The following GNA14 variants were observed in gnomAD, a reference collection of about 807,000 sequenced individuals.
The protein encoded by GNA14 is guanine nucleotide-binding protein subunit alpha-14.
A neutral mutation model predicts 42.0 loss-of-function variants in GNA14; 50 were observed. The ratio of observed to expected loss-of-function variants is 1.19; its 90% confidence interval spans 0.95 to 1.51. The LOEUF is 1.51. GNA14 is among the 40% of genes most tolerant of loss of function. The pLI, the probability that GNA14 is intolerant of heterozygous loss-of-function variation, is 0.00. For synonymous variants in GNA14, 173 were observed against 163.1 expected, an observed-to-expected ratio of 1.06 and a Z score of -0.46; for missense variants, 473 against 446.2, an observed-to-expected ratio of 1.06 and a Z score of -0.54.
intron 2 of GNA14, among the ~76,000 whole-genome samples, chr9:77,487,315 C>A (rs566623197): frequency 6.6e-6 from 1 of 151,924 alleles, no homozygotes; most frequent in East Asian, 1.9e-4. Flanking sequence ...GTAACTGAAA[C>A]CAAGAAAGTG....
intron 2 of GNA14, among the ~76,000 whole-genome samples, chr9:77,498,974 GA>G (rs1479296836): frequency 1.2e-4 from 18 of 152,194 alleles, no homozygotes; most frequent in Non-Finnish European, 1.3e-4. Context: ...CAGCTGTGAG[GA>G]ATTACATGAG....
intron 1 of GNA14, among the ~76,000 whole-genome samples, chr9:77,607,309 G>A (rs565361177): frequency 2.0e-5 from 3 of 152,292 alleles, no homozygotes; most frequent in East Asian, 1.9e-4. Flanking sequence ...GCATATGTAA[G>A]AAATCAGAAT....
In GNA14 at chr9:77,466,854, A is replaced by C. The variant is rs73456181; in HGVS notation, c.310-32332T>G. Among the ~76,000 whole-genome samples the C allele has an allele frequency of 5.5e-3, 843 of 152,186 alleles. 9 individuals are homozygous for C. Among genetic ancestry groups the C allele is most frequent in the African/African-American group, 0.019 (805 of 41,524 alleles). ...CTCTGTGATGTCTATTTTCCCGACC[A>C]CATGGAGCCTCTGAAGTCTCTGCTT... On this transcript the variant is annotated intron_variant, in intron 2 of 6. Transcript: ENST00000341700.
chr9:77,469,756 A>C (rs1836296584), intron 2 of GNA14, among the ~76,000 whole-genome samples: 1 of 152,216 alleles, frequency 6.6e-6, no homozygotes, highest in Non-Finnish European at 1.5e-5. Flanking sequence ...GAAGGCTATA[A>C]AGAGACAGTC....
intron 1 of GNA14, among the ~76,000 whole-genome samples, chr9:77,563,686 T>A (rs994529400): frequency 6.6e-6 from 1 of 152,286 alleles, no homozygotes; most frequent in East Asian, 1.9e-4. Context: ...AAGATTTTTT[T>A]TTCCTTTCAG....
At chr9:77,555,105 T>A (rs1392233842) in intron 1 of GNA14, among the ~76,000 whole-genome samples, 1 of 152,176 alleles carries the variant, frequency 6.6e-6, no homozygotes, top group Non-Finnish European at 1.5e-5. Flanking sequence ...TGTGGTTTTA[T>A]TAGATATGAT....
In GNA14 at chr9:77,497,201, T is replaced by C. The variant is rs139541452; in HGVS notation, c.309+31868A>G. On this transcript the variant is annotated intron_variant, in intron 2 of 6. Transcript: ENST00000341700. ...GTATGAGTCACAAAGCCTACTGGCC[T>C]TGTCCCCAACTCCAGCTAGAACCCA... Among the ~76,000 whole-genome samples, 8 of 152,300 alleles carry C rather than the reference T, an allele frequency of 5.3e-5. No homozygotes were observed. The East Asian group carries it at 1.5e-3, about 29-fold the overall frequency.
chr9:77,487,522 T>C (rs1836681727), intron 2 of GNA14, among the ~76,000 whole-genome samples: 3 of 152,166 alleles, frequency 2.0e-5, no homozygotes, highest in African/African-American at 7.2e-5. Flanking sequence ...TAAGCCAGTA[T>C]GTAAAAGCAC....
intron 2 of GNA14, among the ~76,000 whole-genome samples, chr9:77,455,673 C>T (rs1037479437): frequency 2.6e-5 from 4 of 152,186 alleles, no homozygotes; most frequent in African/African-American, 9.7e-5. Context: ...TGATGCCCCA[C>T]ATAAGGAATA....
At chr9:77,623,265 G>GA (rs1363479997) in intron 1 of GNA14, among the ~76,000 whole-genome samples, 4 of 56,778 alleles carry the variant, frequency 7.0e-5, no homozygotes, top group East Asian at 6.2e-4. Context: ...GAAAGAAAAA[G>GA]AAAAAAAAAT....
At chr9:77,626,720 G>A (rs182525164) in intron 1 of GNA14, among the ~76,000 whole-genome samples, 11 of 152,268 alleles carry the variant, frequency 7.2e-5, no homozygotes, top group Admixed American at 2.0e-4. Flanking sequence ...GAATCTCTGG[G>A]ATACAGCTAA....
intron 2 of GNA14, among the ~76,000 whole-genome samples, chr9:77,510,157 G>C (rs978690435): frequency 1.3e-5 from 2 of 152,074 alleles, no homozygotes; most frequent in Non-Finnish European, 2.9e-5. Context: ...ACACTCACCA[G>C]TCTTCTTTTT....
At chr9:77,619,115 G>A (rs1460324604) in intron 1 of GNA14, among the ~76,000 whole-genome samples, 1 of 152,062 alleles carries the variant, frequency 6.6e-6, no homozygotes, top group African/African-American at 2.4e-5. Context: ...CTTGTTCAAA[G>A]TTCCACTGAA....
chr9:77,530,537 C>T (rs949510191), intron 1 of GNA14, among the ~76,000 whole-genome samples: 1 of 152,212 alleles, frequency 6.6e-6, no homozygotes, highest in African/African-American at 2.4e-5. Context: ...CAATTATCAT[C>T]TTCATTTTAC....
chr9:77,425,225 A>G (rs1179907120), intron 6 of GNA14, among the ~76,000 whole-genome samples: 2 of 152,146 alleles, frequency 1.3e-5, no homozygotes, highest in East Asian at 3.9e-4. Context: ...GAGGGAGCAG[A>G]AAGGAGGAGG....
At chr9:77,584,113 C>G (rs958726033) in intron 1 of GNA14, among the ~76,000 whole-genome samples, 1 of 152,164 alleles carries the variant, frequency 6.6e-6, no homozygotes, top group African/African-American at 2.4e-5. Flanking sequence ...GAGCAGTAGA[C>G]AGCAGTGGAC....
At chr9:77,509,665 G>A (rs1448875782) in intron 2 of GNA14, among the ~76,000 whole-genome samples, 1 of 152,198 alleles carries the variant, frequency 6.6e-6, no homozygotes, top group African/African-American at 2.4e-5. Context: ...TGGAGAACAG[G>A]ATGTGCAGAG....
chr9:77,534,965 TG>T (rs1837575963), intron 1 of GNA14, among the ~76,000 whole-genome samples: 1 of 152,232 alleles, frequency 6.6e-6, no homozygotes, highest in South Asian at 2.1e-4. Flanking sequence ...GCAGGCGCTC[TG>T]ATGAAGACAC....
chr9:77,578,800 G>T (rs551649357), intron 1 of GNA14, among the ~76,000 whole-genome samples: 26 of 152,134 alleles, frequency 1.7e-4, no homozygotes, highest in Non-Finnish European at 3.1e-4. Context: ...ATACAAAGAG[G>T]ATTCATTACT....
Sources: allele counts gnomAD v4.1 joint callset (sites outside exome capture counted in the v4.1 genomes callset), GRCh38; gene constraint gnomAD v4.1.1; transcripts MANE v1.5; gene names NCBI Gene and HGNC (gene_info 2026-07-23, HGNC 2026-07-21).